RASAL2: variants seen among roughly 807,000 people sequenced by gnomAD.
The protein encoded by RASAL2 is RAS protein activator like 2, also known as ras GTPase-activating protein nGAP.
A neutral mutation model predicts 128.9 loss-of-function variants in RASAL2; 58 were observed. The ratio of observed to expected loss-of-function variants is 0.45; its 90% CI spans 0.36 to 0.56. The LOEUF (loss-of-function observed/expected upper bound fraction) is 0.56, where lower values mean the gene tolerates loss of function less well. RASAL2 is among the 20% of genes least tolerant of loss of function. The probability of loss-of-function intolerance (pLI) is 0.00; values close to 1 mark genes in which losing one functional copy is unlikely to be tolerated. For missense variants in RASAL2, 1,360 were observed against 1,601.6 expected, an observed-to-expected ratio of 0.85 and a Z score of 2.57; for synonymous variants, 561 against 580.8, an observed-to-expected ratio of 0.97 and a Z score of 0.49.
chr1:178,441,994 CGAGA>C (rs897774012), intron 7 of RASAL2, among the ~76,000 whole-genome samples: 3 of 151,674 alleles, frequency 2.0e-5, no homozygotes, highest in Non-Finnish European at 4.4e-5. Flanking sequence ...CAGGAGCAAG[CGAGA>C]GAGAGAGTGT....
intron 1 of RASAL2, among the ~76,000 whole-genome samples, chr1:178,203,273 T>C (rs1662934835): frequency 6.6e-6 from 1 of 152,194 alleles, no homozygotes; most frequent in Non-Finnish European, 1.5e-5. Flanking sequence ...GGCAGTGGGC[T>C]CATGCTTATG....
At chr1:178,265,951 C>T (rs971283617) in intron 1 of RASAL2, among the ~76,000 whole-genome samples, 2 of 152,116 alleles carry the variant, frequency 1.3e-5, no homozygotes, top group African/African-American at 2.4e-5. Flanking sequence ...CTTTCATTCT[C>T]CCTGGTATAT....
intron 5 of RASAL2, among the ~76,000 whole-genome samples, chr1:178,434,938 T>G (rs1676157988): frequency 6.6e-6 from 1 of 152,004 alleles, no homozygotes; most frequent in African/African-American, 2.4e-5. Flanking sequence ...TTTAAAAAAC[T>G]GATTAGACAC....
chr1:178,284,493 T>C (rs936702635), intron 2 of RASAL2, among the ~76,000 whole-genome samples: 5 of 152,224 alleles, frequency 3.3e-5, no homozygotes, highest in South Asian at 2.1e-4. Flanking sequence ...TCTGGCGAGG[T>C]AGACAGAATG....
intron 1 of RASAL2, among the ~76,000 whole-genome samples, chr1:178,251,898 A>G (rs1665071419): frequency 6.6e-6 from 1 of 152,204 alleles, no homozygotes; most frequent in South Asian, 2.1e-4. Context: ...AATTTTAACT[A>G]TTTTAAATTA....
At chr1:178,385,467 A>C (rs986520199) in intron 3 of RASAL2, among the ~76,000 whole-genome samples, 8 of 152,052 alleles carry the variant, frequency 5.3e-5, no homozygotes, top group African/African-American at 1.9e-4. Flanking sequence ...AATACCAGTA[A>C]GTGTATATCT....
intron 9 of RASAL2, among the ~76,000 whole-genome samples, 191 bp from the exon 10 acceptor site, chr1:178,451,380 A>C (rs961395644): frequency 6.6e-6 from 1 of 152,184 alleles, no homozygotes; most frequent in Non-Finnish European, 1.5e-5. Context: ...AAAAATAAAC[A>C]TGATATGTAG....
intron 5 of RASAL2, among the ~76,000 whole-genome samples, chr1:178,426,064 G>A (rs1182840927): frequency 2.6e-5 from 4 of 152,104 alleles, no homozygotes; most frequent in Non-Finnish European, 4.4e-5. Flanking sequence ...GAACCACCCT[G>A]GAGAAACAGA....
At chr1:178,106,970 T>C (rs368311563) in intron 1 of RASAL2, among the ~76,000 whole-genome samples, 1 of 152,210 alleles carries the variant, frequency 6.6e-6, no homozygotes. Context: ...AATTTCCTCA[T>C]ATATATCCAG....
At chr1:178,162,289 T>TTATATATATATATATATATATATA (rs554582730) in intron 1 of RASAL2, among the ~76,000 whole-genome samples, 1 of 122,332 alleles carries the variant, frequency 8.2e-6, no homozygotes, top group African/African-American at 3.3e-5. Context: ...TAAGATTTCT[T>TTATATATATATATATATATATATA]TATATATATA....
At chr1:178,184,598 A>G (rs1459736743) in intron 1 of RASAL2, among the ~76,000 whole-genome samples, 1 of 151,980 alleles carries the variant, frequency 6.6e-6, no homozygotes, top group Non-Finnish European at 1.5e-5. Flanking sequence ...CCATTGAATT[A>G]CTTGTTTCCT....
chr1:178,441,708 G>C, intron 7 of RASAL2, 61 bp downstream of exon 7: 1 of 1,292,964 alleles, frequency 7.7e-7, no homozygotes, highest in South Asian at 1.2e-5. Flanking sequence ...ATTGATAGAA[G>C]GTAAGTGTGG....
chr1:178,372,733 G>T (rs1671784864), intron 3 of RASAL2, among the ~76,000 whole-genome samples: 1 of 152,182 alleles, frequency 6.6e-6, no homozygotes, highest in African/African-American at 2.4e-5. Flanking sequence ...TACAAATCGA[G>T]AAGTAGCTTT....
At chr1:178,283,454 G>A (rs765843597) in intron 1 of RASAL2, 110 bp from the exon 2 acceptor site, 397 of 1,294,576 alleles carry the variant, frequency 3.1e-4, no homozygotes, top group Non-Finnish European at 4.1e-4. Context: ...ATTGAGATTC[G>A]TGTTTAGGCT....
At chr1:178,372,856 T>C (rs976048465) in intron 3 of RASAL2, among the ~76,000 whole-genome samples, 1 of 152,194 alleles carries the variant, frequency 6.6e-6, no homozygotes, top group Admixed American at 6.5e-5. Context: ...TGCTTTCTAA[T>C]AAATTTCTAA....
At chr1:178,355,825 CTGTATACA>C (rs1045391528) in intron 3 of RASAL2, among the ~76,000 whole-genome samples, 4 of 152,168 alleles carry the variant, frequency 2.6e-5, no homozygotes, top group African/African-American at 9.7e-5. Context: ...AACCAAATGG[CTGTATACA>C]TTTAAAGAGG....
chr1:178,161,806 A>G (rs1440173644), intron 1 of RASAL2, among the ~76,000 whole-genome samples: 5 of 151,790 alleles, frequency 3.3e-5, no homozygotes, highest in Admixed American at 2.6e-4. Flanking sequence ...GTGAAGTGGC[A>G]TCTCTGTGTA....
chr1:178,174,905 A>C (rs1449565853), intron 1 of RASAL2, among the ~76,000 whole-genome samples: 1 of 152,132 alleles, frequency 6.6e-6, no homozygotes, highest in African/African-American at 2.4e-5. Flanking sequence ...ATTGGTGTAA[A>C]TTATTGTCAA....
chr1:178,129,468 A>G (rs989405904), intron 1 of RASAL2, among the ~76,000 whole-genome samples: 3 of 152,082 alleles, frequency 2.0e-5, no homozygotes, highest in Admixed American at 6.6e-5. Context: ...AATTGTATGA[A>G]TTCTTTATAT....
Sources: allele counts gnomAD v4.1 joint callset (sites outside exome capture counted in the v4.1 genomes callset), GRCh38; gene constraint gnomAD v4.1.1; transcripts MANE v1.5; gene names NCBI Gene and HGNC (gene_info 2026-07-23, HGNC 2026-07-21).